The following WASF3 variants were observed in gnomAD, a reference collection of about 807,000 sequenced individuals.
WASF3 encodes actin-binding protein WASF3.
WASF3 carries 11 observed loss-of-function variants against 46.6 expected under a neutral mutation model. The ratio of observed to expected loss-of-function variants is 0.24; its 90% CI spans 0.15 to 0.39. The LOEUF is 0.39. Among genes scored for constraint, WASF3 ranks in the 10% least tolerant of loss-of-function variants. The pLI, the probability that WASF3 is intolerant of heterozygous loss-of-function variation, is 1.00. For synonymous variants in WASF3, 242 were observed against 259.7 expected (o/e 0.93, Z 0.65); for missense variants, 576 against 669.8 (o/e 0.86, Z 1.55).
chr13:26,582,828 G>C (rs1265610987), intron 1 of WASF3, among the ~76,000 whole-genome samples: 2 of 151,846 alleles, frequency 1.3e-5, no homozygotes, highest in Non-Finnish European at 2.9e-5. Context: ...CAGCAATAGA[G>C]AGAAAATCCC....
At position 26,686,414 on chromosome 13, in the gene WASF3, T is replaced by C. The variant is rs1883406830; in HGVS notation, c.*569T>C. ...GGTAGCCTCTGAGTGAATCTGATGCTCTGCTGAATAATTTCATTACCTCTG... is the reference window on the plus strand; with the variant it reads ...GGTAGCCTCTGAGTGAATCTGATGCCCTGCTGAATAATTTCATTACCTCTG... On this transcript the variant is annotated 3_prime_UTR_variant, in exon 10 of 10. Transcript: ENST00000335327. 1 of 152,450 alleles carries C rather than the reference T, an allele frequency of 6.6e-6. No individual in the cohort carries two copies. Among genetic ancestry groups the C allele is most frequent in the Admixed American group, 6.5e-5 (1 of 15,320 alleles). The allele number at this position is 152,450 out of a possible 1,614,324, so 9.4% of individuals were successfully genotyped here.
chr13:26,558,252 C>T (rs910076835), intron 1 of WASF3, among the ~76,000 whole-genome samples: 5 of 152,094 alleles, frequency 3.3e-5, no homozygotes, highest in African/African-American at 7.2e-5. Context: ...CGTTCAGTGT[C>T]TGCGCGCCCT....
chr13:26,643,170 A>G (rs1021263766), intron 3 of WASF3, among the ~76,000 whole-genome samples: 2 of 152,054 alleles, frequency 1.3e-5, no homozygotes, highest in African/African-American at 4.8e-5. Flanking sequence ...AAACTTTTAC[A>G]TTTATTTTCT....
chr13:26,596,740 C>G (rs1368787815), intron 1 of WASF3, among the ~76,000 whole-genome samples: 1 of 152,098 alleles, frequency 6.6e-6, no homozygotes, highest in African/African-American at 2.4e-5. Context: ...CCGGTTCTCT[C>G]CTTGTCTTCT....
intron 1 of WASF3, among the ~76,000 whole-genome samples, chr13:26,588,450 C>T (rs534339111): frequency 6.6e-6 from 1 of 152,318 alleles, no homozygotes; most frequent in African/African-American, 2.4e-5. Context: ...TAGGTAGTGT[C>T]TGTCCCCATT....
the WASF3 span, among the ~76,000 whole-genome samples, chr13:26,540,544 C>A: frequency 2.6e-5 from 4 of 152,196 alleles, no homozygotes; most frequent in Non-Finnish European, 4.4e-5. Context: ...ATGCTCTGCT[C>A]GTCTGAAGTC....
At chr13:26,669,214 T>C in intron 5 of WASF3, among the ~76,000 whole-genome samples, 1 of 142,660 alleles carries the variant, frequency 7.0e-6, no homozygotes, top group African/African-American at 2.6e-5. Flanking sequence ...GACTTTTTTT[T>C]TTTTTTTTTT....
chr13:26,658,893 C>A (rs541750247), intron 3 of WASF3, among the ~76,000 whole-genome samples: 2 of 152,156 alleles, frequency 1.3e-5, no homozygotes, highest in Admixed American at 6.5e-5. Flanking sequence ...TGTTTTTGTT[C>A]ACTTATTCCG....
At chr13:26,684,912 A>G (rs529047074) in intron 9 of WASF3, among the ~76,000 whole-genome samples, 1 of 152,278 alleles carries the variant, frequency 6.6e-6, no homozygotes, top group South Asian at 2.1e-4. Context: ...GCAAGACTCT[A>G]TCTCTACAAA....
Position 26,686,821 on chromosome 13 carries a change from A to T in WASF3, c.*976A>T, listed in dbSNP as rs532716439. On this transcript the variant is annotated 3_prime_UTR_variant, in exon 10 of 10. Coordinates refer to ENST00000335327, the MANE Select transcript of WASF3 (RefSeq NM_006646.6). ...AGCTCCTCAGCGAGCAACAGAGAGC[A>T]CTTTAGATGGCACCTTTCACCACTT... is the stretch of plus-strand genomic sequence containing the variant. 8 of 152,392 alleles carry T rather than the reference A, an allele frequency of 5.2e-5. No homozygotes were observed. The South Asian group carries it at 1.7e-3, about 32-fold the overall frequency. 9.4% of individuals were successfully genotyped at this position (152,392 alleles called of 1,614,324 possible).
At chr13:26,580,459 G>T (rs1259773296) in intron 1 of WASF3, among the ~76,000 whole-genome samples, 3 of 152,090 alleles carry the variant, frequency 2.0e-5, no homozygotes, top group Non-Finnish European at 2.9e-5. Context: ...ACAAGCATTA[G>T]ATTAATATTT....
At chr13:26,620,967 A>G (rs1881287448) in intron 2 of WASF3, among the ~76,000 whole-genome samples, 3 of 152,292 alleles carry the variant, frequency 2.0e-5, no homozygotes, top group Admixed American at 2.0e-4. Flanking sequence ...CTGTATAGCA[A>G]AAGCTAAGTG....
intron 1 of WASF3, among the ~76,000 whole-genome samples, chr13:26,587,413 A>G (rs1242767646): frequency 1.3e-5 from 2 of 152,010 alleles, no homozygotes; most frequent in African/African-American, 4.8e-5. Context: ...TCTTGGCAAG[A>G]TCATTTGTCT....
At chr13:26,683,667 T>C (rs1297829912) in intron 9 of WASF3, among the ~76,000 whole-genome samples, 1 of 151,932 alleles carries the variant, frequency 6.6e-6, no homozygotes, top group East Asian at 1.9e-4. Flanking sequence ...GCTGGACTTG[T>C]CATATTTGCT....
chr13:26,679,120 C>A lies in WASF3; in HGVS notation c.717-1934C>A, dbSNP rs1883152399. ...TCGCCTCTGGCCCTCCCAGTCCTCT[C>A]TTCTGTAATAGGTGATCACTGACCA... On this transcript the variant is annotated intron_variant, in intron 7 of 9. Coordinates refer to ENST00000335327, the MANE Select transcript of WASF3 (RefSeq NM_006646.6). The surrounding 1 kb of genome is among the most constrained non-coding windows in gnomAD (Gnocchi z 4.8). 6.6e-6 allele frequency among the ~76,000 whole-genome samples: 1 copy of A among 151,052 alleles called. No individual in the cohort carries two copies.
intron 5 of WASF3, among the ~76,000 whole-genome samples, chr13:26,670,802 T>G (rs965773716): frequency 6.6e-6 from 1 of 152,140 alleles, no homozygotes; most frequent in Non-Finnish European, 1.5e-5. Context: ...ATAGTGTGAG[T>G]TGCACTGGCT....
At chr13:26,575,051 TG>T (rs1879753180) in intron 1 of WASF3, among the ~76,000 whole-genome samples, 1 of 152,182 alleles carries the variant, frequency 6.6e-6, no homozygotes. Context: ...TTAGCCAGGA[TG>T]GTCTCGATCT....
intron 1 of WASF3, among the ~76,000 whole-genome samples, chr13:26,610,244 C>G (rs1014580232): frequency 6.6e-6 from 1 of 152,220 alleles, no homozygotes; most frequent in Non-Finnish European, 1.5e-5. Flanking sequence ...CACCTGTCTT[C>G]TGAATTATGG....
intron 6 of WASF3, among the ~76,000 whole-genome samples, chr13:26,673,541 T>C (rs1882979624): frequency 1.3e-5 from 2 of 152,142 alleles, no homozygotes; most frequent in Non-Finnish European, 2.9e-5. Context: ...AGTTTCAAAA[T>C]GTTCATATAG....
Sources: allele counts gnomAD v4.1 joint callset (sites outside exome capture counted in the v4.1 genomes callset), GRCh38; gene constraint gnomAD v4.1.1; non-coding constraint Gnocchi (gnomAD v3.1); transcripts MANE v1.5; gene names NCBI Gene and HGNC (gene_info 2026-07-23, HGNC 2026-07-21).